The following CSMD1 variants were observed in gnomAD, a reference collection of about 807,000 sequenced individuals.
CSMD1 encodes the protein CUB and Sushi multiple domains 1.
A neutral mutation model predicts 417.5 loss-of-function variants in CSMD1; 213 were observed. The observed-to-expected ratio is 0.51, with a 90% CI of 0.46 to 0.57. The LOEUF (loss-of-function observed/expected upper bound fraction) is 0.57. CSMD1 is among the 20% of genes least tolerant of loss of function. CSMD1 has a pLI of 0.00. For synonymous variants in CSMD1, 2,862 were observed against 1,736.8 expected (o/e 1.65, Z -16.11); for missense variants, 6,923 against 4,529.7 (o/e 1.53, Z -15.17).
At chr8:4,029,722 G>C (rs563373240) in intron 4 of CSMD1, among the ~76,000 whole-genome samples, 1 of 152,076 alleles carries the variant, frequency 6.6e-6, no homozygotes, top group Non-Finnish European at 1.5e-5. Flanking sequence ...GTCCCCCAAA[G>C]TCTTAACTTA....
chr8:4,748,017 C>T (rs1195210130), intron 1 of CSMD1, among the ~76,000 whole-genome samples: 1 of 152,226 alleles, frequency 6.6e-6, no homozygotes, highest in Non-Finnish European at 1.5e-5. Context: ...AGTTATCCAT[C>T]TTCCAAACTC....
At chr8:4,038,570 C>A (rs973470094) in intron 3 of CSMD1, among the ~76,000 whole-genome samples, 1 of 152,172 alleles carries the variant, frequency 6.6e-6, no homozygotes, top group Non-Finnish European at 1.5e-5. Flanking sequence ...ATGCATGTCT[C>A]TTTGTGACTC....
At chr8:3,722,224 G>T (rs959721708) in intron 6 of CSMD1, among the ~76,000 whole-genome samples, 2 of 152,062 alleles carry the variant, frequency 1.3e-5, no homozygotes, top group African/African-American at 4.8e-5. Flanking sequence ...CAGGAGAATT[G>T]CTTGACCAGG....
At chr8:4,179,659 A>G (rs191105801) in intron 3 of CSMD1, among the ~76,000 whole-genome samples, 11 of 152,212 alleles carry the variant, frequency 7.2e-5, no homozygotes, top group African/African-American at 2.7e-4. Flanking sequence ...GAATGGGAGG[A>G]AATTTTCGCA....
At chr8:4,583,813 C>G (rs1228022905) in intron 2 of CSMD1, among the ~76,000 whole-genome samples, 2 of 152,138 alleles carry the variant, frequency 1.3e-5, no homozygotes, top group African/African-American at 4.8e-5. Flanking sequence ...GCTGCCCCAG[C>G]CAGCAGTGGC....
chr8:3,500,384 GA>G (rs35326604), intron 10 of CSMD1, among the ~76,000 whole-genome samples: 1 of 152,078 alleles, frequency 6.6e-6, no homozygotes, highest in Non-Finnish European at 1.5e-5. Context: ...TGAGCATTTA[GA>G]AAAAAACAGT....
At chr8:3,757,083 G>A (rs758181331) in intron 5 of CSMD1, among the ~76,000 whole-genome samples, 4 of 152,132 alleles carry the variant, frequency 2.6e-5, no homozygotes, top group Admixed American at 6.5e-5. Context: ...GATTACAGGC[G>A]TGAACCACTG....
intron 3 of CSMD1, among the ~76,000 whole-genome samples, chr8:4,234,781 T>C (rs1322738103): frequency 6.6e-6 from 1 of 152,124 alleles, no homozygotes; most frequent in Non-Finnish European, 1.5e-5. Flanking sequence ...TGGGCTAACT[T>C]GCCCCCAGAT....
chr8:4,850,631 A>C (rs1352619982), intron 1 of CSMD1, among the ~76,000 whole-genome samples: 1 of 151,622 alleles, frequency 6.6e-6, no homozygotes, highest in Non-Finnish European at 1.5e-5. Flanking sequence ...TTTTCTCTCT[A>C]TGACTCTTCC....
chr8:3,534,654 T>A (rs573734191), intron 10 of CSMD1, among the ~76,000 whole-genome samples: 1 of 152,208 alleles, frequency 6.6e-6, no homozygotes, highest in African/African-American at 2.4e-5. Context: ...GCCATTTCCA[T>A]AGCCAAACAA....
chr8:4,760,922 C>G (rs1361220773), intron 1 of CSMD1, among the ~76,000 whole-genome samples: 1 of 152,130 alleles, frequency 6.6e-6, no homozygotes, highest in Non-Finnish European at 1.5e-5. Flanking sequence ...GCATATCTTT[C>G]TCAAGCTTAT....
intron 3 of CSMD1, among the ~76,000 whole-genome samples, chr8:4,332,960 A>C (rs1049034369): frequency 2.0e-5 from 3 of 151,832 alleles, no homozygotes; most frequent in Non-Finnish European, 4.4e-5. Context: ...AAAAAAAACT[A>C]AGATTTCTGC....
intron 3 of CSMD1, among the ~76,000 whole-genome samples, chr8:4,414,849 A>G (rs1796839951): frequency 6.6e-6 from 1 of 152,188 alleles, no homozygotes; most frequent in South Asian, 2.1e-4. Context: ...ACAAAGAGTA[A>G]TGGCCAGAGA....
chr8:3,096,215 T>C (rs960551051), intron 47 of CSMD1, among the ~76,000 whole-genome samples: 3 of 152,304 alleles, frequency 2.0e-5, no homozygotes, highest in African/African-American at 7.2e-5. Flanking sequence ...TTCCTAAGCA[T>C]TCTAACTGTT....
At chr8:3,023,043 G>A (rs573895290) in intron 51 of CSMD1, among the ~76,000 whole-genome samples, 1 of 152,200 alleles carries the variant, frequency 6.6e-6, no homozygotes, top group Non-Finnish European at 1.5e-5. Flanking sequence ...TCAACTGCAG[G>A]TAGTCCTGAG....
At chr8:4,699,001 G>C (rs1161831120) in intron 1 of CSMD1, among the ~76,000 whole-genome samples, 2 of 151,808 alleles carry the variant, frequency 1.3e-5, no homozygotes. Flanking sequence ...GTCATGCTTT[G>C]TGTCTCCACT....
At chr8:4,190,489 A>T (rs1337422151) in intron 3 of CSMD1, among the ~76,000 whole-genome samples, 1 of 152,056 alleles carries the variant, frequency 6.6e-6, no homozygotes, top group East Asian at 1.9e-4. Flanking sequence ...TAAGTTAACC[A>T]AGTAAAATAA....
At chr8:4,338,228 C>G (rs1323018708) in intron 3 of CSMD1, among the ~76,000 whole-genome samples, 4 of 152,048 alleles carry the variant, frequency 2.6e-5, no homozygotes, top group Non-Finnish European at 5.9e-5. Flanking sequence ...TTGCATATTT[C>G]TAATATTAAG....
intron 41 of CSMD1, among the ~76,000 whole-genome samples, chr8:3,124,971 T>C (rs1817415032): frequency 6.6e-6 from 1 of 152,220 alleles, no homozygotes; most frequent in Admixed American, 6.5e-5. Flanking sequence ...TTTTGGTCTT[T>C]GTTCCAAATG....
Sources: allele counts gnomAD v4.1 joint callset (sites outside exome capture counted in the v4.1 genomes callset), GRCh38; gene constraint gnomAD v4.1.1; transcripts MANE v1.5; gene names NCBI Gene and HGNC (gene_info 2026-07-23, HGNC 2026-07-21).